ATRNL1: variants seen among roughly 807,000 people sequenced by gnomAD.
The protein encoded by ATRNL1 is attractin like 1.
Under a neutral mutation model 182.7 loss-of-function variants are expected in ATRNL1, and 95 were observed. That is an observed-to-expected ratio of 0.52 (90% CI 0.44 to 0.62). The LOEUF (loss-of-function observed/expected upper bound fraction) is 0.62. ATRNL1 is among the 20% of genes least tolerant of loss of function. The pLI is 0.00. For missense variants in ATRNL1, 1,471 were observed against 1,679.5 expected (o/e 0.88, Z 2.17); for synonymous variants, 576 against 568.3 (o/e 1.01, Z -0.19).
intron 27 of ATRNL1, among the ~76,000 whole-genome samples, chr10:115,803,453 G>T (rs566577822): frequency 1.3e-4 from 20 of 152,194 alleles, no homozygotes; most frequent in Admixed American, 1.0e-3. Context: ...TGACCTTGCA[G>T]ATAAACATCA....
chr10:115,439,602 C>A (rs1321458017), intron 21 of ATRNL1, among the ~76,000 whole-genome samples: 1 of 151,790 alleles, frequency 6.6e-6, no homozygotes, highest in Non-Finnish European at 1.5e-5. Context: ...ATGTCTACAT[C>A]CTCCCCAGAA....
chr10:115,476,947 A>C (rs1409728025), intron 24 of ATRNL1, among the ~76,000 whole-genome samples: 1 of 151,478 alleles, frequency 6.6e-6, no homozygotes, highest in Non-Finnish European at 1.5e-5. Context: ...CAGAGAAACT[A>C]CATATTTTTT....
chr10:115,581,914 G>T (rs1320247981), intron 26 of ATRNL1, among the ~76,000 whole-genome samples: 5 of 115,412 alleles, frequency 4.3e-5, no homozygotes, highest in South Asian at 2.9e-4. Flanking sequence ...CCCACAACAG[G>T]CCCCAGAGTG....
At chr10:115,490,831 C>A (rs957420311) in intron 24 of ATRNL1, among the ~76,000 whole-genome samples, 2 of 152,104 alleles carry the variant, frequency 1.3e-5, no homozygotes, top group African/African-American at 4.8e-5. Context: ...GAATTTTCAG[C>A]CTTTTTGGGC....
At chr10:115,304,020 T>C (rs6585325) in intron 17 of ATRNL1, among the ~76,000 whole-genome samples, 8,318 of 152,202 alleles carry the variant, frequency 0.055, 738 homozygotes, top group African/African-American at 0.19. Flanking sequence ...TCATCTCTCT[T>C]CATTTGTCAT....
At chr10:115,651,163 A>T (rs1859973157) in intron 26 of ATRNL1, among the ~76,000 whole-genome samples, 1 of 152,130 alleles carries the variant, frequency 6.6e-6, no homozygotes, top group African/African-American at 2.4e-5. Context: ...ACTCTGCATG[A>T]ATTAAAAGAA....
intron 19 of ATRNL1, among the ~76,000 whole-genome samples, chr10:115,366,614 C>T (rs1389824355): frequency 1.7e-3 from 259 of 149,540 alleles, no homozygotes; most frequent in Non-Finnish European, 2.9e-3. Context: ...TTCCTAGTCT[C>T]GATGGTCTTT....
chr10:115,331,043 T>G (rs949374046), intron 18 of ATRNL1, among the ~76,000 whole-genome samples: 2 of 139,562 alleles, frequency 1.4e-5, no homozygotes, highest in Admixed American at 7.8e-5. Flanking sequence ...TTTGTCATTC[T>G]GCTATTGATG....
intron 26 of ATRNL1, among the ~76,000 whole-genome samples, chr10:115,675,609 C>T (rs1945835775): frequency 6.6e-6 from 1 of 151,946 alleles, no homozygotes; most frequent in African/African-American, 2.4e-5. Context: ...GTTCAGTGTT[C>T]ATTTTATTCA....
chr10:115,189,383 T>A (rs1848080771), intron 8 of ATRNL1, among the ~76,000 whole-genome samples: 1 of 152,076 alleles, frequency 6.6e-6, no homozygotes, highest in Non-Finnish European at 1.5e-5. Context: ...CAGGAGGTAT[T>A]CCAGAAGAAG....
intron 21 of ATRNL1, among the ~76,000 whole-genome samples, chr10:115,432,022 A>G (rs1846191897): frequency 6.6e-6 from 1 of 152,132 alleles, no homozygotes. Context: ...ATGTTGTCCA[A>G]TACAAATATG....
intron 25 of ATRNL1, among the ~76,000 whole-genome samples, chr10:115,520,326 A>T (rs782504514): frequency 3.9e-5 from 6 of 152,214 alleles, no homozygotes; most frequent in Admixed American, 6.5e-5. Flanking sequence ...AAAGTATTTG[A>T]ATTTCTAATA....
At chr10:115,359,327 A>G (rs916570632) in intron 19 of ATRNL1, among the ~76,000 whole-genome samples, 2 of 151,660 alleles carry the variant, frequency 1.3e-5, no homozygotes, top group African/African-American at 4.8e-5. Flanking sequence ...TAATATTACT[A>G]CAAAGTAACA....
chr10:115,542,934 A>G (rs1554992451), intron 25 of ATRNL1, among the ~76,000 whole-genome samples: 1 of 152,174 alleles, frequency 6.6e-6, no homozygotes, highest in African/African-American at 2.4e-5. Context: ...CTTTAAGGAC[A>G]TTAATTATAT....
At chr10:115,296,683 G>GTTT (rs554175253) in intron 15 of ATRNL1, among the ~76,000 whole-genome samples, 1 of 148,316 alleles carries the variant, frequency 6.7e-6, no homozygotes, top group African/African-American at 2.5e-5. Flanking sequence ...TTGGCCTTAA[G>GTTT]TTTTTTTTTT....
At chr10:115,554,364 A>G (rs2133820355) in intron 26 of ATRNL1, among the ~76,000 whole-genome samples, 1 of 151,714 alleles carries the variant, frequency 6.6e-6, no homozygotes, top group Middle Eastern at 3.4e-3. Context: ...TTTAACATAA[A>G]TTTACTTTAA....
chr10:115,681,055 T>A (rs1555044564), intron 26 of ATRNL1, among the ~76,000 whole-genome samples: 1 of 152,168 alleles, frequency 6.6e-6, no homozygotes, highest in Non-Finnish European at 1.5e-5. Context: ...TATCCTTTTT[T>A]AAACTATCAA....
intron 5 of ATRNL1, among the ~76,000 whole-genome samples, chr10:115,133,395 A>C (rs1409248859): frequency 1.3e-5 from 2 of 152,186 alleles, no homozygotes; most frequent in Non-Finnish European, 2.9e-5. Context: ...TGAGGTTGCA[A>C]TCCTAGTCTC....
intron 8 of ATRNL1, among the ~76,000 whole-genome samples, chr10:115,213,148 G>A (rs776237517): frequency 2.0e-5 from 3 of 151,920 alleles, no homozygotes; most frequent in Non-Finnish European, 2.9e-5. Context: ...GATTTTTCTT[G>A]TTGTCGGTAT....
Sources: allele counts gnomAD v4.1 joint callset (sites outside exome capture counted in the v4.1 genomes callset), GRCh38; gene constraint gnomAD v4.1.1; transcripts MANE v1.5; gene names NCBI Gene and HGNC (gene_info 2026-07-23, HGNC 2026-07-21).